Variants in UBE2D3 observed in about 807,000 individuals in gnomAD.
The protein encoded by UBE2D3 is ubiquitin-conjugating enzyme E2 D3.
Under a neutral mutation model 22.8 loss-of-function variants are expected in UBE2D3, and 2 were observed. The ratio of observed to expected loss-of-function variants is 0.09; its 90% CI spans 0.04 to 0.28. The LOEUF (loss-of-function observed/expected upper bound fraction) is 0.28, where lower values mean the gene tolerates loss of function less well. Ranked by LOEUF, UBE2D3 falls within the 10% of genes least tolerant of loss-of-function variation. The pLI is 1.00. For synonymous variants in UBE2D3, 56 were observed against 60.4 expected (o/e 0.93, Z 0.34); for missense variants, 27 against 182.5 (o/e 0.15, Z 4.91).
chr4:102,856,566 T>A (rs1732629264), intron 1 of UBE2D3, among the ~76,000 whole-genome samples: 1 of 152,148 alleles, frequency 6.6e-6, no homozygotes, highest in South Asian at 2.1e-4. Flanking sequence ...AGGTTGATAA[T>A]TAAAATATTT....
intron 6 of UBE2D3, among the ~76,000 whole-genome samples, chr4:102,800,514 C>A (rs1345931411): frequency 6.6e-6 from 1 of 151,938 alleles, no homozygotes; most frequent in African/African-American, 2.4e-5. Flanking sequence ...ACACTCCCAG[C>A]AGTAGTAGAA....
intron 2 of UBE2D3, among the ~76,000 whole-genome samples, chr4:102,819,302 C>T (rs1729216568): frequency 1.3e-5 from 2 of 150,936 alleles, no homozygotes; most frequent in South Asian, 4.2e-4. Context: ...TGCACTCTAG[C>T]CTGGGCAGCT....
chr4:102,852,519 G>T (rs951897828), intron 1 of UBE2D3, among the ~76,000 whole-genome samples: 3 of 152,142 alleles, frequency 2.0e-5, no homozygotes, highest in African/African-American at 7.2e-5. Context: ...TACAGATTGA[G>T]ATCCTGCACT....
At chr4:102,819,410 GA>G (rs1303339198) in intron 2 of UBE2D3, among the ~76,000 whole-genome samples, 1 of 151,688 alleles carries the variant, frequency 6.6e-6, no homozygotes, top group Non-Finnish European at 1.5e-5. Context: ...AAATATTTAT[GA>G]ATATTATGAA....
chr4:102,848,708 A>G (rs1278429335), intron 1 of UBE2D3, among the ~76,000 whole-genome samples: 10 of 152,040 alleles, frequency 6.6e-5, no homozygotes. Context: ...AGTCCCAGCT[A>G]TTTAGGAGGC....
At chr4:102,851,583 C>T (rs1032807575) in intron 1 of UBE2D3, among the ~76,000 whole-genome samples, 3 of 152,166 alleles carry the variant, frequency 2.0e-5, no homozygotes, top group Non-Finnish European at 1.5e-5. Context: ...TCTGTTGTGG[C>T]AGAGAATACA....
At chr4:102,826,697 C>G in intron 1 of UBE2D3, 61 bp from the exon 2 acceptor site, 1 of 1,471,526 alleles carries the variant, frequency 6.8e-7, no homozygotes, top group Admixed American at 2.6e-5. Context: ...CTGATGAATC[C>G]AGGTCCCTTA....
At chr4:102,867,492 C>T (rs1245742955) in intron 1 of UBE2D3, among the ~76,000 whole-genome samples, 1 of 152,084 alleles carries the variant, frequency 6.6e-6, no homozygotes, top group Non-Finnish European at 1.5e-5. Context: ...TTGACTTCAG[C>T]CAAAATATGA....
At chr4:102,828,802 A>G (rs924451513), upstream of UBE2D3, among the ~76,000 whole-genome samples, 5 of 152,352 alleles carry the variant, frequency 3.3e-5, no homozygotes, top group Admixed American at 3.3e-4. Context: ...GGTTTAAAGT[A>G]TGGAGACGGC....
intron 6 of UBE2D3, among the ~76,000 whole-genome samples, chr4:102,799,834 G>C (rs1332691508): frequency 8.1e-5 from 4 of 49,396 alleles, no homozygotes; most frequent in Admixed American, 2.3e-4. Context: ...TCAGTGGCTG[G>C]GGGGGGGGGG....
intron 1 of UBE2D3, among the ~76,000 whole-genome samples, chr4:102,857,502 A>T (rs1223982725): frequency 6.6e-6 from 1 of 152,220 alleles, no homozygotes; most frequent in Non-Finnish European, 1.5e-5. Flanking sequence ...ATGCATAAAA[A>T]TTATGAGAAC....
intron 2 of UBE2D3, among the ~76,000 whole-genome samples, chr4:102,818,702 G>A (rs1439265872): frequency 6.6e-6 from 1 of 152,110 alleles, no homozygotes; most frequent in South Asian, 2.1e-4. Context: ...CCACTGGTGA[G>A]TGTTCTCATC....
chr4:102,806,412 G>C (rs1414791450), intron 4 of UBE2D3, among the ~76,000 whole-genome samples: 1 of 151,202 alleles, frequency 6.6e-6, no homozygotes, highest in Admixed American at 6.6e-5. Context: ...TCTTTTATTA[G>C]ACTACAAAGC....
At position 102,853,135 on chromosome 4, in the gene UBE2D3, A is replaced by ATCTTTTTTTTTTTTT. The variant is rs386626793; in HGVS notation, c.-129+15579_-129+15580insAAAAAAAAAAAAAGA. Among the ~76,000 whole-genome samples, 146 of 88,594 alleles carry ATCTTTTTTTTTTTTT rather than the reference A, an allele frequency of 1.6e-3. 36 individuals are homozygous for ATCTTTTTTTTTTTTT. Among genetic ancestry groups the ATCTTTTTTTTTTTTT allele is most frequent in the African/African-American group, 3.9e-3 (82 of 21,082 alleles). The allele number at this position is 88,594 out of a possible 152,430, so 58.1% of individuals were successfully genotyped here. The stretch of plus-strand genomic sequence containing the variant: ...GTCAAAATTACACACAAACACACAC[A>ATCTTTTTTTTTTTTT]TTTTTTTTTTTTTTTTTTTTTTTTT... On this transcript the variant is annotated intron_variant, in intron 1 of 7. Transcript: ENST00000338145.
intron 2 of UBE2D3, chr4:102,825,592 G>T: frequency 3.3e-6 from 4 of 1,218,852 alleles, no homozygotes; most frequent in Non-Finnish European, 4.2e-6. Context: ...GGAGGTGGAG[G>T]TTCCGCTCAC....
chr4:102,811,241 A>T (rs1250430972), intron 2 of UBE2D3: 1 of 152,372 alleles, frequency 6.6e-6, no homozygotes, highest in African/African-American at 2.4e-5. Flanking sequence ...AGCTACTCAG[A>T]AGACTGAGGT....
At chr4:102,803,286 C>T (rs192171655) in intron 4 of UBE2D3, among the ~76,000 whole-genome samples, 2 of 152,302 alleles carry the variant, frequency 1.3e-5, no homozygotes, top group Admixed American at 1.3e-4. Context: ...AAGATACTGA[C>T]CTACTCAGGA....
intron 1 of UBE2D3, among the ~76,000 whole-genome samples, chr4:102,863,086 T>C (rs531347643): frequency 1.1e-3 from 165 of 152,242 alleles, no homozygotes; most frequent in African/African-American, 3.9e-3. Flanking sequence ...AGTCTCACTC[T>C]GTGGCCCATG....
chr4:102,828,139 A>G, upstream of UBE2D3: 6 of 985,454 alleles, frequency 6.1e-6, no homozygotes, highest in South Asian at 9.4e-5. Context: ...AACGCCCCTG[A>G]ATGCTTATGC....
Sources: gnomAD v4.1 joint callset for allele counts (sites outside exome capture counted in the v4.1 genomes callset) on GRCh38, gnomAD v4.1.1 for gene constraint, MANE v1.5 for transcripts, NCBI Gene and HGNC (gene_info 2026-07-23, HGNC 2026-07-21) for gene names.